The following PCDH15 variants were observed in gnomAD, a reference collection of about 807,000 sequenced individuals.
The protein encoded by PCDH15 is protocadherin related 15.
A neutral mutation model predicts 178.5 loss-of-function variants in PCDH15; 129 were observed. The ratio of observed to expected loss-of-function variants is 0.72; its 90% CI spans 0.63 to 0.84. The LOEUF is 0.84. PCDH15 is among the 40% of genes least tolerant of loss of function. The pLI is 0.00. For synonymous variants in PCDH15, 800 were observed against 732.0 expected, an observed-to-expected ratio of 1.09 and a Z score of -1.50; for missense variants, 2,230 against 2,099.9, an observed-to-expected ratio of 1.06 and a Z score of -1.21.
chr10:55,139,762 A>G (rs1355760826), intron 2 of PCDH15, among the ~76,000 whole-genome samples: 1 of 151,938 alleles, frequency 6.6e-6, no homozygotes, highest in Non-Finnish European at 1.5e-5. Context: ...TGTAACTATT[A>G]TATTTTCTTT....
chr10:54,001,966 A>T (rs1312875723), intron 20 of PCDH15, among the ~76,000 whole-genome samples: 1 of 151,776 alleles, frequency 6.6e-6, no homozygotes, highest in Non-Finnish European at 1.5e-5. Context: ...CAAAAACTAC[A>T]CAGAGAGACA....
intron 1 of PCDH15, among the ~76,000 whole-genome samples, chr10:55,218,675 T>A (rs138926926): frequency 6.6e-6 from 1 of 152,152 alleles, no homozygotes; most frequent in East Asian, 1.9e-4. Context: ...ATCATGTGTT[T>A]GTTGAGATCA....
intron 3 of PCDH15, among the ~76,000 whole-genome samples, chr10:54,483,054 A>C (rs955192614): frequency 6.6e-6 from 1 of 151,908 alleles, no homozygotes; most frequent in Admixed American, 6.6e-5. Flanking sequence ...GTAGTCAAAC[A>C]GTATAGAAAC....
chr10:54,855,857 A>G (rs886472479), intron 3 of PCDH15, among the ~76,000 whole-genome samples: 2 of 152,160 alleles, frequency 1.3e-5, no homozygotes, highest in African/African-American at 4.8e-5. Flanking sequence ...AGCAGAAGTC[A>G]TTTGTGGCTC....
intron 1 of PCDH15, among the ~76,000 whole-genome samples, chr10:55,187,347 G>A (rs182405186): frequency 6.6e-6 from 1 of 152,070 alleles, no homozygotes; most frequent in East Asian, 1.9e-4. Context: ...ACAACTGAAA[G>A]TGTTATTTCA....
At chr10:54,435,914 G>A (rs1008755136) in intron 3 of PCDH15, among the ~76,000 whole-genome samples, 1 of 151,834 alleles carries the variant, frequency 6.6e-6, no homozygotes, top group Non-Finnish European at 1.5e-5. Context: ...AGCTTGCAGG[G>A]AGCCGAGATC....
At position 55,296,775 on chromosome 10, in the gene PCDH15, A is replaced by G. The variant is rs557617526; in HGVS notation, c.-156+22824T>C. On this transcript the variant is annotated intron_variant, in intron 1 of 5. Coordinates refer to the PCDH15 transcript ENST00000458638. ...TCACTTTTTCTGTGTGTATAGTTCC[A>G]TAAATCTTGACAAACACATTGTCAC... 1.5e-3 allele frequency among the ~76,000 whole-genome samples: 224 copies of G among 152,230 alleles called. 2 individuals are homozygous for G. Among genetic ancestry groups the G allele is most frequent in the African/African-American group, 5.2e-3 (216 of 41,538 alleles).
chr10:54,167,977 C>G (rs2046442674), intron 13 of PCDH15, among the ~76,000 whole-genome samples: 2 of 144,440 alleles, frequency 1.4e-5, no homozygotes, highest in Admixed American at 1.4e-4. Context: ...TTTCCCTACT[C>G]TCTCTTTTCT....
Position 55,067,594 on chromosome 10 carries a change from C to G in PCDH15, c.-80+98982G>C, listed in dbSNP as rs538111378. ...GATTTATTTTTCTTTGAATAAATAC[C>G]CAAATACCCAGTAGCGGAATTGCTG... On this transcript the variant is annotated intron_variant, in intron 2 of 5. Transcript: ENST00000458638. Among the ~76,000 whole-genome samples, 242 of 150,616 alleles carry G rather than the reference C, an allele frequency of 1.6e-3. 1 individual carries two copies. Among genetic ancestry groups the G allele is most frequent in the African/African-American group, 5.4e-3 (223 of 41,082 alleles).
intron 9 of PCDH15, among the ~76,000 whole-genome samples, chr10:54,229,348 C>T (rs888210411): frequency 1.3e-5 from 2 of 152,090 alleles, no homozygotes; most frequent in South Asian, 2.1e-4. Flanking sequence ...TGATAAAATA[C>T]ATGTATAATT....
intron 1 of PCDH15, among the ~76,000 whole-genome samples, chr10:54,687,175 G>T (rs1204455211): frequency 1.3e-5 from 2 of 152,116 alleles, no homozygotes; most frequent in Admixed American, 6.6e-5. Flanking sequence ...TAAGAATGTG[G>T]AGAAAGTGGA....
At position 55,355,796 on chromosome 10, in the gene PCDH15, C is replaced by A. The variant is rs116828666; in HGVS notation, c.-155-189145G>T. On this transcript the variant is annotated intron_variant, in intron 2 of 5. Coordinates refer to the PCDH15 transcript ENST00000613346. ...ATTTAAATTATACACATTATAGTTT[C>A]CAACCCACTTTGACCTACTAATCAT... Among the ~76,000 whole-genome samples, 780 of 151,910 alleles carry A rather than the reference C, an allele frequency of 5.1e-3. 10 individuals are homozygous for A. Among genetic ancestry groups the A allele is most frequent in the African/African-American group, 0.018 (734 of 41,504 alleles).
At chr10:54,050,383 A>G (rs2093742949) in intron 18 of PCDH15, among the ~76,000 whole-genome samples, 1 of 151,966 alleles carries the variant, frequency 6.6e-6, no homozygotes, top group South Asian at 2.1e-4. Context: ...GATCTTTTGT[A>G]TTTCTGTGAG....
chr10:55,226,897 C>G (rs1041511923), intron 1 of PCDH15, among the ~76,000 whole-genome samples: 1 of 151,674 alleles, frequency 6.6e-6, no homozygotes, highest in Non-Finnish European at 1.5e-5. Flanking sequence ...AGGATTAGAT[C>G]AAGAGATTCA....
intron 3 of PCDH15, among the ~76,000 whole-genome samples, chr10:54,387,462 A>T (rs1950059512): frequency 6.6e-6 from 1 of 152,240 alleles, no homozygotes; most frequent in Non-Finnish European, 1.5e-5. Flanking sequence ...TGCTAAGTTA[A>T]ATAAGCCACT....
chr10:55,311,026 A>T (rs1198721509), intron 1 of PCDH15, among the ~76,000 whole-genome samples: 2 of 152,216 alleles, frequency 1.3e-5, no homozygotes. Context: ...ATTTTAAAAA[A>T]ATGATAGTGG....
At chr10:54,420,736 C>A (rs1955151296) in intron 3 of PCDH15, among the ~76,000 whole-genome samples, 1 of 151,894 alleles carries the variant, frequency 6.6e-6, no homozygotes, top group African/African-American at 2.4e-5. Context: ...GGCTGGGACT[C>A]TGATTATAGC....
chr10:55,313,880 G>A (rs1043004133), intron 1 of PCDH15, among the ~76,000 whole-genome samples: 4 of 152,010 alleles, frequency 2.6e-5, no homozygotes, highest in African/African-American at 9.7e-5. Flanking sequence ...TATGCTATTT[G>A]TGTTCTACTT....
At chr10:55,278,893 G>A (rs554268318) in intron 1 of PCDH15, among the ~76,000 whole-genome samples, 7 of 152,254 alleles carry the variant, frequency 4.6e-5, no homozygotes, top group African/African-American at 1.7e-4. Flanking sequence ...TCCTGATAGT[G>A]TACAAAGCCT....
Sources: gnomAD v4.1 joint callset for allele counts (sites outside exome capture counted in the v4.1 genomes callset) on GRCh38, gnomAD v4.1.1 for gene constraint, MANE v1.5 for transcripts, NCBI Gene and HGNC (gene_info 2026-07-23, HGNC 2026-07-21) for gene names.